EAPP: variants seen among roughly 807,000 people sequenced by gnomAD.
EAPP encodes the protein E2F-associated phosphoprotein.
EAPP carries 38 observed loss-of-function variants against 34.3 expected under a neutral mutation model. The ratio of observed to expected loss-of-function variants is 1.11; its 90% CI spans 0.85 to 1.45. The LOEUF (loss-of-function observed/expected upper bound fraction) is 1.45. Ranked by LOEUF, EAPP falls within the 40% of genes most tolerant of loss-of-function variation. EAPP has a pLI of 0.00. For missense variants in EAPP, 338 were observed against 343.7 expected (o/e 0.98, Z 0.13); for synonymous variants, 113 against 117.6 (o/e 0.96, Z 0.25).
At chr14:34,523,511 CA>C (rs1161441856) in intron 5 of EAPP, among the ~76,000 whole-genome samples, 1 of 149,574 alleles carries the variant, frequency 6.7e-6, no homozygotes, top group Non-Finnish European at 1.5e-5. Context: ...AGGCGTGAGC[CA>C]CCACGCCCAG....
chr14:34,527,727 T>C (rs931618137), intron 4 of EAPP, among the ~76,000 whole-genome samples: 2 of 152,210 alleles, frequency 1.3e-5, no homozygotes, highest in African/African-American at 2.4e-5. Context: ...TACTGTATAA[T>C]ATCCCATTCA....
intron 4 of EAPP, 64 bp from the exon 5 acceptor site, chr14:34,524,871 A>G: frequency 7.7e-7 from 1 of 1,299,126 alleles, no homozygotes; most frequent in Non-Finnish European, 1.1e-6. Flanking sequence ...TTCTAGTGTC[A>G]TTTTCCAATA....
intron 4 of EAPP, among the ~76,000 whole-genome samples, chr14:34,526,328 C>A (rs1164385004): frequency 2.6e-5 from 4 of 151,462 alleles, no homozygotes; most frequent in African/African-American, 9.7e-5. Context: ...ACTTGGGAGG[C>A]TGAGGCAGAG....
At chr14:34,532,054 T>A (rs1342279953) in intron 3 of EAPP, among the ~76,000 whole-genome samples, 1 of 142,774 alleles carries the variant, frequency 7.0e-6, no homozygotes, top group African/African-American at 2.6e-5. Flanking sequence ...CCAGCCTGGG[T>A]GACAGAGCGA....
intron 1 of EAPP, 163 bp from the exon 2 acceptor site, chr14:34,536,438 C>T (rs1293004035): frequency 2.9e-5 from 12 of 410,822 alleles, no homozygotes; most frequent in Non-Finnish European, 4.6e-5. Flanking sequence ...GCCAGTTCTG[C>T]ATATTTCCAA....
rs944987827 is a variant in EAPP, at chr14:34,516,588, T to G, written c.582-2A>C. On this transcript the variant is annotated splice_acceptor_variant, in intron 5 of 5. Coordinates refer to ENST00000250454, the MANE Select transcript of EAPP (RefSeq NM_018453.4). LOFTEE classifies it high-confidence loss of function. ...TATTGAGTTTTGTATGATTCATGCC[T>G]AAGAGAAAAATGAAATGGAGAATTG... The G allele has an allele frequency of 3.1e-6, 5 of 1,597,692 alleles. No homozygotes were observed. The African/African-American group carries it at 6.8e-5, about 22-fold the overall frequency.
intron 1 of EAPP, among the ~76,000 whole-genome samples, chr14:34,537,097 G>A (rs180842137): frequency 2.5e-4 from 38 of 151,974 alleles, no homozygotes; most frequent in Non-Finnish European, 3.1e-4. Flanking sequence ...TGAAACTTCC[G>A]CCTCCCAGGC....
At chr14:34,531,333 T>G (rs1318053835) in intron 3 of EAPP, among the ~76,000 whole-genome samples, 1 of 151,870 alleles carries the variant, frequency 6.6e-6, no homozygotes, top group Non-Finnish European at 1.5e-5. Context: ...CTGGGCGCGG[T>G]GGCTCATGCC....
intron 1 of EAPP, among the ~76,000 whole-genome samples, chr14:34,537,305 CA>C: frequency 6.6e-6 from 1 of 152,202 alleles, no homozygotes; most frequent in East Asian, 1.9e-4. Context: ...GCCACTGCAC[CA>C]GACCTGTATT....
rs1880169896 is a variant in EAPP, at chr14:34,528,521, G to C, written c.470+837C>G. ...ACTGCAACCTCCACCTCCCAGGTTTGGGCAATTCTCCCGCCTCAGCCTCCT... is the reference window on the plus strand; with the variant it reads ...ACTGCAACCTCCACCTCCCAGGTTTCGGCAATTCTCCCGCCTCAGCCTCCT... On this transcript the variant is annotated intron_variant, in intron 4 of 5. Coordinates refer to ENST00000250454, the MANE Select transcript of EAPP (RefSeq NM_018453.4). Among the ~76,000 whole-genome samples, 6 of 146,220 alleles carry C rather than the reference G, an allele frequency of 4.1e-5. No homozygotes were observed. In the Admixed American group the frequency reaches 4.2e-4, roughly 10 times the overall value.
chr14:34,526,877 T>A (rs1405650060), intron 4 of EAPP, among the ~76,000 whole-genome samples: 5 of 148,878 alleles, frequency 3.4e-5, no homozygotes, highest in Admixed American at 1.3e-4. Context: ...GTCTTTAAAT[T>A]AAAAAAAAAA....
intron 1 of EAPP, among the ~76,000 whole-genome samples, chr14:34,538,253 C>T (rs567676538): frequency 6.6e-6 from 1 of 152,232 alleles, no homozygotes; most frequent in Admixed American, 6.6e-5. Flanking sequence ...GTAGCGCATG[C>T]CTGTAATCCC....
chr14:34,517,084 C>T (rs1024645262), intron 5 of EAPP, among the ~76,000 whole-genome samples: 2 of 150,002 alleles, frequency 1.3e-5, no homozygotes, highest in African/African-American at 2.5e-5. Context: ...ACTACAGGCG[C>T]CCGCCACCAT....
intron 1 of EAPP, among the ~76,000 whole-genome samples, chr14:34,537,062 G>A (rs1880503758): frequency 6.6e-6 from 1 of 152,006 alleles, no homozygotes; most frequent in South Asian, 2.1e-4. Context: ...CCAGGCTGGA[G>A]TGCAATGGTG....
intron 3 of EAPP, among the ~76,000 whole-genome samples, chr14:34,532,345 G>C (rs1880324324): frequency 6.6e-6 from 1 of 151,950 alleles, no homozygotes; most frequent in South Asian, 2.1e-4. Context: ...TGTAAACCCA[G>C]CTACTCAAGA....
rs1343717166 is a variant in EAPP, at chr14:34,539,668, C to T, written c.-40G>A. 2 of 1,509,138 alleles carry T rather than the reference C, an allele frequency of 1.3e-6. No homozygotes were observed. Among genetic ancestry groups the T allele is most frequent in the African/African-American group, 1.4e-5 (1 of 71,936 alleles). The allele number at this position is 1,509,138 out of a possible 1,614,324, so 93.5% of individuals were successfully genotyped here. A position where few individuals can be genotyped will look rare whatever the true frequency, so the allele number is the denominator to read the frequency against. On this transcript the variant is annotated 5_prime_UTR_variant, in exon 1 of 6. Coordinates refer to ENST00000250454, the MANE Select transcript of EAPP (RefSeq NM_018453.4). The stretch of plus-strand genomic sequence containing the variant: ...GCCTACACCGTCCACAAGCAATTTG[C>T]AGCGTCTCTGTTTACACTGCAAGTC...
At chr14:34,534,548 T>C (rs979051627) in intron 2 of EAPP, among the ~76,000 whole-genome samples, 3 of 152,184 alleles carry the variant, frequency 2.0e-5, no homozygotes, top group Admixed American at 6.5e-5. Flanking sequence ...TTTGTGATGA[T>C]ACATAATTAA....
intron 5 of EAPP, among the ~76,000 whole-genome samples, chr14:34,519,240 T>G (rs1879834264): frequency 6.6e-6 from 1 of 152,020 alleles, no homozygotes; most frequent in African/African-American, 2.4e-5. Flanking sequence ...TCTGCCATCA[T>G]TAAAAGTTTC....
At chr14:34,538,564 G>A (rs1250645914) in intron 1 of EAPP, among the ~76,000 whole-genome samples, 1 of 149,132 alleles carries the variant, frequency 6.7e-6, no homozygotes, top group African/African-American at 2.5e-5. Flanking sequence ...ATGACAATAT[G>A]AGGAAACATT....
Sources: gnomAD v4.1 joint callset for allele counts (sites outside exome capture counted in the v4.1 genomes callset) on GRCh38, gnomAD v4.1.1 for gene constraint, MANE v1.5 for transcripts, NCBI Gene and HGNC (gene_info 2026-07-23, HGNC 2026-07-21) for gene names.